The following ZNF469 variants were observed in gnomAD, a reference collection of about 807,000 sequenced individuals.
ZNF469 encodes the protein zinc finger protein 469.
A neutral mutation model predicts 1.0 loss-of-function variants in ZNF469; 1 was observed. That is an observed-to-expected ratio of 1.00 (90% CI 0.35 to 4.73). The LOEUF (loss-of-function observed/expected upper bound fraction) is 4.73. Ranked by LOEUF, ZNF469 falls within the 30% of genes most tolerant of loss-of-function variation. The pLI, the probability that ZNF469 is intolerant of heterozygous loss-of-function variation, is 0.16. For synonymous variants in ZNF469, 2,703 were observed against 2,363.4 expected, an observed-to-expected ratio of 1.14 and a Z score of -4.17; for missense variants, 6,100 against 5,356.3, an observed-to-expected ratio of 1.14 and a Z score of -4.33.
the ZNF469 span, among the ~76,000 whole-genome samples, chr16:88,293,682 C>T: frequency 6.6e-6 from 1 of 152,146 alleles, no homozygotes; most frequent in African/African-American, 2.4e-5. Flanking sequence ...TGTATTTTCC[C>T]TCTTAACCTT....
rs943749345 is a variant in ZNF469 at position 88,430,711 on chromosome 16, C to T, written c.3241C>T (p.Arg1081Trp). 3.4e-6 allele frequency: 5 copies of T among 1,478,666 alleles called. No individual in the cohort carries two copies. The highest frequency in any genetic ancestry group is 2.4e-5 in the Admixed American group (1 of 42,016). The allele number at this position is 1,478,666 out of a possible 1,614,324, so 91.6% of individuals were successfully genotyped here. A position where few individuals can be genotyped will look rare whatever the true frequency, so the allele number is the denominator to read the frequency against. ...RCGSLAAGRPRPGAEDRRLRE... is the reference protein window; with the variant it reads ...RCGSLAAGRPWPGAEDRRLRE... Reference sequence around the variant, plus strand: ...CGGCTCCCTGGCGGCGGGGAGGCCCCGGCCCGGAGCTGAGGACCGCAGGCT... The same window carrying T: ...CGGCTCCCTGGCGGCGGGGAGGCCCTGGCCCGGAGCTGAGGACCGCAGGCT... Residue 1081 changes from arginine (R) to tryptophan (W), a missense_variant, in exon 3 of 3, where the codon CGG becomes TGG. By Grantham distance (101) the Arg-to-Trp change is moderately radical. Transcript: ENST00000565624.
At chr16:88,239,707 ATATATATATTTTTTTTTTTTT>A in the ZNF469 span, among the ~76,000 whole-genome samples, 1 of 5,398 alleles carries the variant, frequency 1.9e-4, no homozygotes, top group African/African-American at 1.2e-3. Context: ...ATATATATAT[ATATATATATTTTTTTTTTTTT>A]TTTTTTTTTT....
the ZNF469 span, among the ~76,000 whole-genome samples, chr16:88,256,959 T>C: frequency 9.5e-5 from 11 of 116,050 alleles, no homozygotes; most frequent in Non-Finnish European, 1.7e-4. Flanking sequence ...TCTTTTCTTT[T>C]CTTTCGTTGA....
intron 1 of ZNF469, among the ~76,000 whole-genome samples, chr16:88,422,945 G>C (rs1167973196): frequency 6.7e-6 from 1 of 149,970 alleles, no homozygotes; most frequent in Non-Finnish European, 1.5e-5. Flanking sequence ...GTGGATGGAT[G>C]ATGATGGATG....
At chr16:88,225,592 T>TC in the ZNF469 span, among the ~76,000 whole-genome samples, 1 of 151,842 alleles carries the variant, frequency 6.6e-6, no homozygotes, top group Non-Finnish European at 1.5e-5. Context: ...CCTGTGTCTG[T>TC]GGCCCCCAAA....
At chr16:88,367,485 A>G in the ZNF469 span, among the ~76,000 whole-genome samples, 27 of 152,288 alleles carry the variant, frequency 1.8e-4, no homozygotes, top group African/African-American at 6.5e-4. Flanking sequence ...TTCCCAGGGC[A>G]TGGGGCACCA....
chr16:88,388,412 C>A (rs1904398175), intron 1 of ZNF469, among the ~76,000 whole-genome samples: 2 of 152,248 alleles, frequency 1.3e-5, no homozygotes, highest in Non-Finnish European at 2.9e-5. Flanking sequence ...CGGCCGGGCA[C>A]GGCAGCCGCC....
the ZNF469 span, among the ~76,000 whole-genome samples, chr16:88,369,370 G>C: frequency 6.6e-6 from 1 of 152,246 alleles, no homozygotes; most frequent in African/African-American, 2.4e-5. Flanking sequence ...CTTCTTCCCA[G>C]GGCTCCTTGG....
the ZNF469 span, among the ~76,000 whole-genome samples, chr16:88,175,423 G>T: frequency 6.6e-6 from 1 of 152,112 alleles, no homozygotes; most frequent in Admixed American, 6.5e-5. Context: ...TCATCAAAGT[G>T]GACTATATTC....
chr16:88,349,029 G>A, the ZNF469 span, among the ~76,000 whole-genome samples: 2 of 152,200 alleles, frequency 1.3e-5, no homozygotes, highest in Non-Finnish European at 2.9e-5. Flanking sequence ...CAAGCCGACT[G>A]CGGCCTCTCT....
chr16:88,238,490 A>G, the ZNF469 span, among the ~76,000 whole-genome samples: 1 of 152,176 alleles, frequency 6.6e-6, no homozygotes, highest in Non-Finnish European at 1.5e-5. Flanking sequence ...GATAGACCCC[A>G]GATAGACTCT....
At chr16:88,202,926 G>A in the ZNF469 span, among the ~76,000 whole-genome samples, 1 of 152,288 alleles carries the variant, frequency 6.6e-6, no homozygotes, top group African/African-American at 2.4e-5. Context: ...GCCCTGAGCC[G>A]GGTGCCGCAG....
the ZNF469 span, among the ~76,000 whole-genome samples, chr16:88,308,037 TC>T: frequency 6.6e-6 from 1 of 152,226 alleles, no homozygotes; most frequent in Non-Finnish European, 1.5e-5. Context: ...GGGTCTAACC[TC>T]ATTCTTTTGC....
chr16:88,215,686 G>A, the ZNF469 span, among the ~76,000 whole-genome samples: 1 of 151,656 alleles, frequency 6.6e-6, no homozygotes, highest in Admixed American at 6.6e-5. Flanking sequence ...CACTACACCT[G>A]GCCAGCCTTT....
chr16:88,101,356 G>A, the ZNF469 span, among the ~76,000 whole-genome samples: 1,708 of 152,294 alleles, frequency 0.011, 24 homozygotes, highest in African/African-American at 0.035. Flanking sequence ...GAGTCCGCCT[G>A]CATCTTTGAT....
At chr16:88,333,316 C>T in the ZNF469 span, among the ~76,000 whole-genome samples, 2 of 147,740 alleles carry the variant, frequency 1.4e-5, no homozygotes, top group South Asian at 2.3e-4. Flanking sequence ...GGAGAAGGCT[C>T]GGACTTGCTG....
chr16:88,375,254 C>G, the ZNF469 span, among the ~76,000 whole-genome samples: 1 of 152,256 alleles, frequency 6.6e-6, no homozygotes, highest in African/African-American at 2.4e-5. Context: ...CTGGGCCGCC[C>G]TGAGGGCCTG....
chr16:88,361,805 T>A, the ZNF469 span, among the ~76,000 whole-genome samples: 4 of 152,256 alleles, frequency 2.6e-5, no homozygotes, highest in Non-Finnish European at 5.9e-5. Flanking sequence ...GATATTCATC[T>A]AAATTTCTTT....
chr16:88,395,237 A>AGATGGATG (rs750119902), intron 1 of ZNF469, among the ~76,000 whole-genome samples: 207 of 35,910 alleles, frequency 5.8e-3, no homozygotes, highest in East Asian at 0.024. Flanking sequence ...GTGGATGGGT[A>AGATGGATG]GATGGATGGA....
Sources: allele counts gnomAD v4.1 joint callset (sites outside exome capture counted in the v4.1 genomes callset), GRCh38; gene constraint gnomAD v4.1.1; transcripts MANE v1.5; gene names NCBI Gene and HGNC (gene_info 2026-07-23, HGNC 2026-07-21).